SLC9A8: variants seen among roughly 807,000 people sequenced by gnomAD.
SLC9A8 encodes the protein sodium/hydrogen exchanger 8.
Under a neutral mutation model 66.6 loss-of-function variants are expected in SLC9A8, and 48 were observed. The ratio of observed to expected loss-of-function variants is 0.72; its 90% confidence interval spans 0.57 to 0.92. SLC9A8 has a LOEUF of 0.92. Ranked by LOEUF, SLC9A8 falls within the 40% of genes least tolerant of loss-of-function variation. The pLI is 0.00. For synonymous variants in SLC9A8, 274 were observed against 282.6 expected, an observed-to-expected ratio of 0.97 and a Z score of 0.31; for missense variants, 599 against 747.3, an observed-to-expected ratio of 0.80 and a Z score of 2.31.
At chr20:49,839,329 T>C (rs1175431954) in intron 3 of SLC9A8, among the ~76,000 whole-genome samples, 1 of 152,230 alleles carries the variant, frequency 6.6e-6, no homozygotes, top group Non-Finnish European at 1.5e-5. Flanking sequence ...AGCCTGACTT[T>C]TGTATTTCAT....
chr20:49,855,243 G>A (rs548748587), intron 7 of SLC9A8, among the ~76,000 whole-genome samples, 195 bp from the exon 8 acceptor site: 74 of 152,208 alleles, frequency 4.9e-4, no homozygotes, highest in Admixed American at 1.2e-3. Context: ...TAACAACTCA[G>A]TTTAGAGTGG....
intron 15 of SLC9A8, among the ~76,000 whole-genome samples, chr20:49,887,351 C>A (rs2089928007): frequency 6.6e-6 from 1 of 152,106 alleles, no homozygotes. Flanking sequence ...CGAGCAGGCC[C>A]ATTTTCCACT....
Position 49,829,506 on chromosome 20 carries a change from G to A in SLC9A8, c.289+6365G>A. 4 of 271,904 alleles carry A rather than the reference G, an allele frequency of 1.5e-5. No homozygotes were observed. The South Asian group carries it at 1.5e-4, about 10-fold the overall frequency. The allele number at this position is 271,904 out of a possible 1,614,324, so 16.8% of individuals were successfully genotyped here. Reference sequence around the variant, plus strand: ...CCACTGCACTCCAACCTGGGCAACAGAGTGAGACTCCATCTCAAAAAAAAA... The same window carrying A: ...CCACTGCACTCCAACCTGGGCAACAAAGTGAGACTCCATCTCAAAAAAAAA... On this transcript the variant is annotated intron_variant, in intron 3 of 15. Transcript: ENST00000361573.
At chr20:49,880,828 G>A in intron 12 of SLC9A8, 96 bp from the exon 13 acceptor site, 1 of 802,322 alleles carries the variant, frequency 1.2e-6, no homozygotes, top group Non-Finnish European at 2.2e-6. Context: ...CATTTGTACT[G>A]GATGTGTTAC....
chr20:49,846,540 G>A (rs1388256079), intron 5 of SLC9A8, among the ~76,000 whole-genome samples: 1 of 150,662 alleles, frequency 6.6e-6, no homozygotes, highest in Non-Finnish European at 1.5e-5. Flanking sequence ...AATAAATGAA[G>A]TGCTGCTGCT....
Position 49,888,082 on chromosome 20 carries a change from G to A in SLC9A8, c.*146G>A, listed in dbSNP as rs1374208698. The A allele has an allele frequency of 1.3e-5, 8 of 630,510 alleles. No homozygotes were observed. The highest frequency in any genetic ancestry group is 2.2e-5 in the Non-Finnish European group (8 of 359,348). 39.1% of individuals were successfully genotyped at this position (630,510 alleles called of 1,614,324 possible). ...GGGGCGAGGTACTGGCTGCAGAGTC[G>A]CCTTAGTCCAGAACCTGACAGGCCT... On this transcript the variant is annotated 3_prime_UTR_variant, in exon 16 of 16. Coordinates refer to ENST00000361573, the MANE Select transcript of SLC9A8 (RefSeq NM_015266.3).
At chr20:49,880,281 A>C (rs2089578641) in intron 12 of SLC9A8, among the ~76,000 whole-genome samples, 1 of 146,868 alleles carries the variant, frequency 6.8e-6, no homozygotes, top group Non-Finnish European at 1.5e-5. Context: ...AAAAAAAAAG[A>C]TGTAAACTTT....
chr20:49,858,172 C>T (rs549402650), intron 8 of SLC9A8, among the ~76,000 whole-genome samples: 8 of 152,166 alleles, frequency 5.3e-5, no homozygotes, highest in East Asian at 3.9e-4. Context: ...TTACTGGTTA[C>T]GGTGTATTCC....
intron 7 of SLC9A8, among the ~76,000 whole-genome samples, chr20:49,852,207 A>G (rs777403288): frequency 6.6e-6 from 1 of 152,150 alleles, no homozygotes; most frequent in Non-Finnish European, 1.5e-5. Context: ...CCAGTGGGAG[A>G]ACACACCCTG....
At chr20:49,885,116 A>T (rs1435887087) in intron 14 of SLC9A8, among the ~76,000 whole-genome samples, 1 of 152,150 alleles carries the variant, frequency 6.6e-6, no homozygotes, top group Non-Finnish European at 1.5e-5. Context: ...AAACTTCCAG[A>T]TGGCTGTGAG....
At position 49,882,257 on chromosome 20, in the gene SLC9A8, C is replaced by T. The variant is rs972084414; in HGVS notation, c.1270+1222C>T. Among the ~76,000 whole-genome samples, 8 of 152,232 alleles carry T rather than the reference C, an allele frequency of 5.3e-5. 1 individual carries two copies. Among genetic ancestry groups the T allele is most frequent in the Non-Finnish European group, 4.4e-5 (3 of 68,036 alleles). On this transcript the variant is annotated intron_variant, in intron 13 of 15. Transcript: ENST00000361573. ...GCTCATTTTCTCCACTTCTTCACCG[C>T]CTGTCCACGGGGCTGGAATTGGCCT...
At chr20:49,879,977 T>C (rs985979488) in intron 12 of SLC9A8, among the ~76,000 whole-genome samples, 1 of 152,078 alleles carries the variant, frequency 6.6e-6, no homozygotes, top group African/African-American at 2.4e-5. Context: ...ATTTAAACTT[T>C]AGGCTGGGTG....
chr20:49,844,619 TAAA>T lies in SLC9A8; in HGVS notation c.349-388_349-386del, dbSNP rs35043669. Among the ~76,000 whole-genome samples, 232 of 105,958 alleles carry T rather than the reference TAAA, an allele frequency of 2.2e-3. 2 individuals are homozygous for T. The highest frequency in any genetic ancestry group is 9.8e-3 in the Middle Eastern group (2 of 204). The allele number at this position is 105,958 out of a possible 152,430, so 69.5% of individuals were successfully genotyped here. A position where few individuals can be genotyped will look rare whatever the true frequency, so the allele number is the denominator to read the frequency against. On this transcript the variant is annotated intron_variant, in intron 4 of 15. Transcript: ENST00000361573. ...GGCAACATAGCGGGACCCTGTATCT[TAAA>T]AAAAAAAAAAAAAAAAAAAAAAAAA...
intron 2 of SLC9A8, among the ~76,000 whole-genome samples, chr20:49,820,162 C>T (rs980931074): frequency 1.3e-5 from 2 of 152,182 alleles, no homozygotes; most frequent in Admixed American, 1.3e-4. Flanking sequence ...TCCGGTTTCT[C>T]CATGTTCTTG....
chr20:49,838,765 C>T (rs76728843), intron 3 of SLC9A8, among the ~76,000 whole-genome samples: 15,959 of 152,136 alleles, frequency 0.1, 1,114 homozygotes, highest in Non-Finnish European at 0.16. Context: ...ACCTCCTACC[C>T]GAGATTGTGA....
intron 10 of SLC9A8, among the ~76,000 whole-genome samples, chr20:49,872,832 T>C (rs2089268406): frequency 6.6e-6 from 1 of 152,252 alleles, no homozygotes; most frequent in African/African-American, 2.4e-5. Flanking sequence ...AGTCACTGTT[T>C]CCACAAAATG....
At chr20:49,822,841 C>T (rs1379876185) in intron 2 of SLC9A8, among the ~76,000 whole-genome samples, 1 of 152,150 alleles carries the variant, frequency 6.6e-6, no homozygotes, top group Non-Finnish European at 1.5e-5. Context: ...CAAACTAGTT[C>T]AGGCAGACAA....
At chr20:49,835,244 T>A (rs1424062241) in intron 3 of SLC9A8, among the ~76,000 whole-genome samples, 1 of 151,520 alleles carries the variant, frequency 6.6e-6, no homozygotes, top group East Asian at 1.9e-4. Flanking sequence ...TAACACAGAG[T>A]GGCATGTACA....
intron 3 of SLC9A8, among the ~76,000 whole-genome samples, 177 bp from the exon 4 acceptor site, chr20:49,839,364 A>T (rs1158703373): frequency 2.6e-5 from 4 of 152,138 alleles, no homozygotes; most frequent in Non-Finnish European, 5.9e-5. Context: ...CTGAGATGTG[A>T]GTGAGAAATT....
Sources: gnomAD v4.1 joint callset for allele counts (sites outside exome capture counted in the v4.1 genomes callset) on GRCh38, gnomAD v4.1.1 for gene constraint, MANE v1.5 for transcripts, NCBI Gene and HGNC (gene_info 2026-07-23, HGNC 2026-07-21) for gene names.